The following COL23A1 variants were observed in gnomAD, a reference collection of about 807,000 sequenced individuals.
COL23A1 encodes the protein collagen type XXIII alpha 1 chain, also known as collagen alpha-1(XXIII) chain.
A neutral mutation model predicts 99.3 loss-of-function variants in COL23A1; 97 were observed. The ratio of observed to expected loss-of-function variants is 0.98; its 90% CI spans 0.83 to 1.16. COL23A1 has a LOEUF of 1.16. COL23A1 is among the 50% of genes most tolerant of loss of function. The probability of loss-of-function intolerance (pLI) is 0.00; values close to 1 mark genes in which losing one functional copy is unlikely to be tolerated. For synonymous variants in COL23A1, 320 were observed against 308.2 expected, an observed-to-expected ratio of 1.04 and a Z score of -0.40; for missense variants, 762 against 757.4, an observed-to-expected ratio of 1.01 and a Z score of -0.07.
At chr5:178,337,075 G>C (rs965398912) in intron 2 of COL23A1, among the ~76,000 whole-genome samples, 1 of 152,204 alleles carries the variant, frequency 6.6e-6, no homozygotes, top group Non-Finnish European at 1.5e-5. Flanking sequence ...ATTGGAATTC[G>C]ATTTCCCATG....
At chr5:178,288,299 AG>A in intron 5 of COL23A1, 24 bp downstream of exon 5, 1 of 1,530,746 alleles carries the variant, frequency 6.5e-7, no homozygotes, top group Non-Finnish European at 8.9e-7. Flanking sequence ...GGGTGAAGAG[AG>A]CAAAAAAATA....
intron 2 of COL23A1, among the ~76,000 whole-genome samples, chr5:178,430,652 A>G (rs1031898704): frequency 5.9e-5 from 9 of 152,312 alleles, no homozygotes; most frequent in Middle Eastern, 6.8e-3. Context: ...GAGAAAGGAA[A>G]CTAACAAAGT....
chr5:178,534,616 T>C (rs1476615357), intron 2 of COL23A1, among the ~76,000 whole-genome samples: 1 of 152,020 alleles, frequency 6.6e-6, no homozygotes, highest in Non-Finnish European at 1.5e-5. Context: ...CCATCTCTAC[T>C]AAAAATCTAA....
chr5:178,238,731 G>A (rs151176062), intron 28 of COL23A1, 31 bp from the exon 29 acceptor site: 26 of 1,612,000 alleles, frequency 1.6e-5, no homozygotes, highest in African/African-American at 2.7e-5. Context: ...TGAAGGTGAC[G>A]AGGAGCCCGA....
At chr5:178,472,278 A>T (rs1312596633) in intron 2 of COL23A1, among the ~76,000 whole-genome samples, 1 of 152,208 alleles carries the variant, frequency 6.6e-6, no homozygotes, top group African/African-American at 2.4e-5. Flanking sequence ...TCTCAGTCGA[A>T]TCAACTGAGA....
At chr5:178,556,625 T>TTAAAA (rs374978162) in intron 2 of COL23A1, among the ~76,000 whole-genome samples, 34,551 of 124,322 alleles carry the variant, frequency 0.28, 4,993 homozygotes, top group Middle Eastern at 0.33. Flanking sequence ...CTCTGTCAAA[T>TTAAAA]TAAAATAAAA....
intron 2 of COL23A1, among the ~76,000 whole-genome samples, chr5:178,447,882 G>A (rs1767252198): frequency 6.6e-6 from 1 of 152,156 alleles, no homozygotes; most frequent in Non-Finnish European, 1.5e-5. Flanking sequence ...AGGTTTAAAG[G>A]GGCTGACTCC....
Position 178,365,833 on chromosome 5 carries a change from C to G in COL23A1, c.362-58914G>C, listed in dbSNP as rs1762443473. Among the ~76,000 whole-genome samples, 1 of 152,176 alleles carries G rather than the reference C, an allele frequency of 6.6e-6. No individual in the cohort carries two copies. The highest frequency in any genetic ancestry group is 2.4e-5 in the African/African-American group (1 of 41,446). On this transcript the variant is annotated intron_variant, in intron 2 of 28. Transcript: ENST00000390654. The surrounding 1 kb of genome is among the most constrained non-coding windows in gnomAD (Gnocchi z 5.2). ...CCCTACCCTCAGCGCTGGGCACTGGCTTGTGATGGTCTCCTGGCCACATGG... is the reference window on the plus strand; with the variant it reads ...CCCTACCCTCAGCGCTGGGCACTGGGTTGTGATGGTCTCCTGGCCACATGG...
At position 178,468,864 on chromosome 5, in the gene COL23A1, G is replaced by A. The variant is rs182447860; in HGVS notation, c.361+91818C>T. ...CATCAGCACCCTCCACCTCCAGGAC[G>A]TTTTCATCTTCCCCTGCTGAAACTC... On this transcript the variant is annotated intron_variant, in intron 2 of 28. Coordinates refer to ENST00000390654, the MANE Select transcript of COL23A1 (RefSeq NM_173465.4). This position sits in a 1 kb window ranked among gnomAD's most constrained non-coding sequence, Gnocchi z 4.2. 7.9e-5 allele frequency among the ~76,000 whole-genome samples: 12 copies of A among 152,228 alleles called. No individual in the cohort carries two copies. The highest frequency in any genetic ancestry group is 2.9e-4 in the African/African-American group (12 of 41,558).
chr5:178,256,188 C>G (rs1410315381), intron 15 of COL23A1, among the ~76,000 whole-genome samples, 165 bp downstream of exon 15: 1 of 152,184 alleles, frequency 6.6e-6, no homozygotes, highest in African/African-American at 2.4e-5. Context: ...AAAGCATGTA[C>G]TCTGGATTTT....
intron 2 of COL23A1, among the ~76,000 whole-genome samples, chr5:178,360,059 C>T (rs966439163): frequency 6.6e-6 from 1 of 152,218 alleles, no homozygotes; most frequent in South Asian, 2.1e-4. Flanking sequence ...ACTCCCACCC[C>T]ACAATTCTCT....
Position 178,245,942 on chromosome 5 carries a change from A to T in COL23A1, c.1440T>A (p.Asp480Glu). 2 of 1,614,170 alleles carry T rather than the reference A, an allele frequency of 1.2e-6. No homozygotes were observed. Among genetic ancestry groups the T allele is most frequent in the Non-Finnish European group, 1.7e-6 (2 of 1,180,006 alleles). Residue 480 changes from aspartate to glutamate, a missense_variant and splice_region_variant, in exon 25 of 29, where the codon GAT (aspartate) becomes GAA (glutamate). Physicochemically the swap from Asp to Glu is conservative, Grantham distance 45 (BLOSUM62 2). Coordinates refer to ENST00000390654, the MANE Select transcript of COL23A1 (RefSeq NM_173465.4). ...EKGRPGEPGL[D>E]GFPGPRGEKG... ...CTCAAAGTGATGATAAGACACTTAC[A>T]TCTAGTCCTGGCTCCCCGGGTCTGC...
rs1308693694 is a variant in COL23A1 at position 178,544,702 on chromosome 5, G to A, written c.361+15980C>T. ...GGGCGGTCACCTTCCAGTCCTGTAA[G>A]TGGCAAAGCTCAGAGGCACTGTGGG... is the stretch of plus-strand genomic sequence containing the variant. On this transcript the variant is annotated intron_variant, in intron 2 of 28. Coordinates refer to ENST00000390654, the MANE Select transcript of COL23A1 (RefSeq NM_173465.4). The surrounding 1 kb of genome is among the most constrained non-coding windows in gnomAD (Gnocchi z 4.4). Among the ~76,000 whole-genome samples the A allele has an allele frequency of 6.6e-6, 1 of 152,192 alleles. No individual in the cohort carries two copies. The highest frequency in any genetic ancestry group is 1.5e-5 in the Non-Finnish European group (1 of 68,038).
intron 2 of COL23A1, among the ~76,000 whole-genome samples, chr5:178,403,719 C>T (rs549778111): frequency 1.7e-4 from 26 of 152,354 alleles, no homozygotes; most frequent in African/African-American, 4.3e-4. Flanking sequence ...TGTTTGAAGC[C>T]GCTTCCCTGT....
Position 178,415,622 on chromosome 5 carries a change from C to T in COL23A1, c.362-108703G>A, listed in dbSNP as rs938058965. ...ACCAGAGGACAGTGCTGCCCCCATCCCGCCCTGGCTCCATGAGGGCAAGGG... is the reference window on the plus strand; with the variant it reads ...ACCAGAGGACAGTGCTGCCCCCATCTCGCCCTGGCTCCATGAGGGCAAGGG... On this transcript the variant is annotated intron_variant, in intron 2 of 28. Transcript: ENST00000390654. The surrounding 1 kb of genome is among the most constrained non-coding windows in gnomAD (Gnocchi z 4.6). Among the ~76,000 whole-genome samples, 1 of 152,192 alleles carries T rather than the reference C, an allele frequency of 6.6e-6. No homozygotes were observed. The highest frequency in any genetic ancestry group is 1.5e-5 in the Non-Finnish European group (1 of 68,030).
intron 2 of COL23A1, among the ~76,000 whole-genome samples, chr5:178,440,536 A>T (rs539679526): frequency 3.0e-4 from 45 of 152,352 alleles, no homozygotes; most frequent in African/African-American, 1.1e-3. Context: ...CCAGTATTTT[A>T]AAAAATGAAA....
chr5:178,554,890 C>T (rs1191326420), intron 2 of COL23A1, among the ~76,000 whole-genome samples: 5 of 152,160 alleles, frequency 3.3e-5, no homozygotes, highest in East Asian at 1.9e-4. Context: ...TTTTAAAGCA[C>T]GAAGTTCCAA....
intron 2 of COL23A1, among the ~76,000 whole-genome samples, chr5:178,457,636 A>C (rs1755865159): frequency 6.6e-6 from 1 of 152,234 alleles, no homozygotes; most frequent in South Asian, 2.1e-4. Flanking sequence ...AATAACAAAA[A>C]GAAGTGCCCA....
At chr5:178,409,014 ACACACAC>A (rs1764924805) in intron 2 of COL23A1, among the ~76,000 whole-genome samples, 1 of 145,994 alleles carries the variant, frequency 6.8e-6, no homozygotes, top group Admixed American at 6.8e-5. Flanking sequence ...ACACACACAC[ACACACAC>A]ATCATGTGGC....
Sources: allele counts gnomAD v4.1 joint callset (sites outside exome capture counted in the v4.1 genomes callset), GRCh38; gene constraint gnomAD v4.1.1; non-coding constraint Gnocchi (gnomAD v3.1); transcripts MANE v1.5; gene names NCBI Gene and HGNC (gene_info 2026-07-23, HGNC 2026-07-21).